The following KLF7 variants were observed in gnomAD, a reference collection of about 807,000 sequenced individuals.
KLF7 encodes Krueppel-like factor 7.
In KLF7, 2 loss-of-function variants were observed where a neutral mutation model predicts 27.3. The ratio of observed to expected loss-of-function variants is 0.07; its 90% CI spans 0.03 to 0.23. KLF7 has a LOEUF of 0.23. Among genes scored for constraint, KLF7 ranks in the 10% least tolerant of loss-of-function variants. The probability of loss-of-function intolerance (pLI) is 1.00; values close to 1 mark genes in which losing one functional copy is unlikely to be tolerated. For synonymous variants in KLF7, 165 were observed against 162.4 expected, an observed-to-expected ratio of 1.02 and a Z score of -0.12; for missense variants, 221 against 394.1, an observed-to-expected ratio of 0.56 and a Z score of 3.72.
chr2:207,103,006 G>A (rs1341902088), intron 2 of KLF7, among the ~76,000 whole-genome samples: 8 of 152,098 alleles, frequency 5.3e-5, no homozygotes, highest in Non-Finnish European at 8.8e-5. Context: ...TTAGCTCACC[G>A]CAACCTCCCC....
chr2:207,120,564 T>A (rs975010435), intron 2 of KLF7, among the ~76,000 whole-genome samples: 1 of 152,208 alleles, frequency 6.6e-6, no homozygotes, highest in Non-Finnish European at 1.5e-5. Context: ...TTTTTTCCTG[T>A]CCCAAAACAC....
intron 1 of KLF7, among the ~76,000 whole-genome samples, chr2:207,129,430 G>C (rs3791993): frequency 0.039 from 5,877 of 152,194 alleles, 151 homozygotes; most frequent in African/African-American, 0.077. Flanking sequence ...ATATTCCCGA[G>C]TGCAAAGTGA....
At chr2:207,103,796 C>T (rs557495093) in intron 2 of KLF7, among the ~76,000 whole-genome samples, 213 of 152,330 alleles carry the variant, frequency 1.4e-3, no homozygotes, top group African/African-American at 4.8e-3. Context: ...GCAGGATTAT[C>T]GTGAAATGTG....
At chr2:207,091,868 T>G (rs1274393432) in intron 2 of KLF7, among the ~76,000 whole-genome samples, 1 of 152,162 alleles carries the variant, frequency 6.6e-6, no homozygotes, top group Admixed American at 6.5e-5. Context: ...TCTTGGAGGG[T>G]GGACATATCT....
At chr2:207,086,752 C>T (rs1340393871) in intron 3 of KLF7, among the ~76,000 whole-genome samples, 1 of 152,148 alleles carries the variant, frequency 6.6e-6, no homozygotes, top group East Asian at 1.9e-4. Context: ...GGCAATTTCC[C>T]CATAAGAACT....
intron 2 of KLF7, among the ~76,000 whole-genome samples, chr2:207,109,584 T>A (rs1030497210): frequency 6.6e-6 from 1 of 152,234 alleles, no homozygotes; most frequent in Non-Finnish European, 1.5e-5. Context: ...ACTTGGCAAC[T>A]GTAAAGATCA....
intron 2 of KLF7, among the ~76,000 whole-genome samples, chr2:207,119,278 C>T (rs182851640): frequency 5.9e-5 from 9 of 152,230 alleles, no homozygotes; most frequent in East Asian, 5.8e-4. Flanking sequence ...TAAATGTGGA[C>T]GTACCTTTAT....
chr2:207,074,739 A>C lies in KLF7; in HGVS notation c.*6474T>G, dbSNP rs767267172. The C allele has an allele frequency of 5.3e-5, 8 of 152,238 alleles. No homozygotes were observed. The highest frequency in any genetic ancestry group is 8.8e-5 in the Non-Finnish European group (6 of 68,068). 9.4% of individuals were successfully genotyped at this position (152,238 alleles called of 1,614,324 possible). On this transcript the variant is annotated 3_prime_UTR_variant, in exon 4 of 4. Coordinates refer to ENST00000309446, the MANE Select transcript of KLF7 (RefSeq NM_003709.4). ...AAACTGCCTCCTTCTCTCGCCAAATAAACCGCTTTCAATAAGCCTCTCCCA... is the reference window on the plus strand; with the variant it reads ...AAACTGCCTCCTTCTCTCGCCAAATCAACCGCTTTCAATAAGCCTCTCCCA...
chr2:207,150,503 C>G (rs1284796984), intron 1 of KLF7, among the ~76,000 whole-genome samples: 1 of 152,186 alleles, frequency 6.6e-6, no homozygotes, highest in Non-Finnish European at 1.5e-5. Flanking sequence ...AAAAGCCTCC[C>G]CCACTGCAGA....
upstream of KLF7, chr2:207,166,184 T>G (rs1326020893): frequency 4.1e-6 from 4 of 985,646 alleles, no homozygotes; most frequent in Non-Finnish European, 4.8e-6. Context: ...TTAGGCCGCG[T>G]GTGACCATGT....
At chr2:207,153,361 A>G (rs956713539) in intron 1 of KLF7, among the ~76,000 whole-genome samples, 11 of 152,320 alleles carry the variant, frequency 7.2e-5, no homozygotes, top group African/African-American at 2.4e-4. Context: ...AAAAGAAAAA[A>G]CAACAACAAT....
intron 1 of KLF7, among the ~76,000 whole-genome samples, chr2:207,127,289 C>G (rs2077507508): frequency 6.6e-6 from 1 of 152,176 alleles, no homozygotes; most frequent in South Asian, 2.1e-4. Context: ...TGTGCTGGGA[C>G]AGTCCTGTCA....
intron 2 of KLF7, among the ~76,000 whole-genome samples, chr2:207,095,956 A>C (rs2076619071): frequency 6.6e-6 from 1 of 152,220 alleles, no homozygotes; most frequent in Non-Finnish European, 1.5e-5. Context: ...ATTTAAAGTT[A>C]CATATGTGGT....
intron 2 of KLF7, among the ~76,000 whole-genome samples, chr2:207,123,343 A>C (rs1455290079): frequency 6.6e-6 from 1 of 152,184 alleles, no homozygotes. Context: ...GGATGCTGGG[A>C]AAAGAGTGAA....
At chr2:207,144,295 T>G (rs2106075822) in intron 1 of KLF7, among the ~76,000 whole-genome samples, 1 of 152,322 alleles carries the variant, frequency 6.6e-6, no homozygotes, top group African/African-American at 2.4e-5. Flanking sequence ...GGCAGAAGTT[T>G]TAAATGTGTC....
At chr2:207,099,597 TA>T (rs35506482) in intron 2 of KLF7, among the ~76,000 whole-genome samples, 39 of 99,812 alleles carry the variant, frequency 3.9e-4, no homozygotes, top group African/African-American at 4.2e-4. Context: ...TCAATGGTAT[TA>T]AAAAAAAAAC....
intron 2 of KLF7, among the ~76,000 whole-genome samples, chr2:207,105,225 A>G (rs2076854648): frequency 6.6e-6 from 1 of 152,198 alleles, no homozygotes; most frequent in Admixed American, 6.5e-5. Flanking sequence ...TCAGTGTGAG[A>G]TGAGCTGAAG....
intron 2 of KLF7, among the ~76,000 whole-genome samples, chr2:207,113,751 A>G (rs1362097374): frequency 6.6e-6 from 1 of 152,146 alleles, no homozygotes; most frequent in Non-Finnish European, 1.5e-5. Context: ...TCCTAGTAAC[A>G]AGATGTACAA....
At position 207,165,632 on chromosome 2, in the gene KLF7, T is replaced by C. The variant is rs368047203; in HGVS notation, c.-64A>G. 6.2e-7 allele frequency: 1 copy of C among 1,608,486 alleles called. No homozygotes were observed. Among genetic ancestry groups the C allele is most frequent in the African/African-American group, 1.3e-5 (1 of 74,862 alleles). ...CCCGAACACAGTTGGGGCTGTTTGTTTGTCAGTCTGTCTGGCTCACCCCCC... is the reference window on the plus strand; with the variant it reads ...CCCGAACACAGTTGGGGCTGTTTGTCTGTCAGTCTGTCTGGCTCACCCCCC... On this transcript the variant is annotated 5_prime_UTR_variant, in exon 1 of 4. Coordinates refer to ENST00000309446, the MANE Select transcript of KLF7 (RefSeq NM_003709.4).
Sources: allele counts gnomAD v4.1 joint callset (sites outside exome capture counted in the v4.1 genomes callset), GRCh38; gene constraint gnomAD v4.1.1; transcripts MANE v1.5; gene names NCBI Gene and HGNC (gene_info 2026-07-23, HGNC 2026-07-21).